Variants in FNDC3A observed in about 807,000 individuals in gnomAD.
FNDC3A encodes the protein fibronectin type-III domain-containing protein 3A.
In FNDC3A, 32 loss-of-function variants were observed where a neutral mutation model predicts 148.9. The observed-to-expected ratio is 0.21, with a 90% CI of 0.16 to 0.29. The LOEUF is 0.29. Ranked by LOEUF, FNDC3A falls within the 10% of genes least tolerant of loss-of-function variation. FNDC3A has a pLI of 1.00. For synonymous variants in FNDC3A, 472 were observed against 473.6 expected, an observed-to-expected ratio of 1.00 and a Z score of 0.04; for missense variants, 1,191 against 1,452.8, an observed-to-expected ratio of 0.82 and a Z score of 2.93.
chr13:49,054,246 T>A (rs1876063000), intron 2 of FNDC3A, among the ~76,000 whole-genome samples: 1 of 152,220 alleles, frequency 6.6e-6, no homozygotes, highest in African/African-American at 2.4e-5. Flanking sequence ...GCCTTTGGTC[T>A]AAGAAAGTTT....
At chr13:49,177,357 G>A (rs1181398476) in intron 13 of FNDC3A, among the ~76,000 whole-genome samples, 1 of 152,148 alleles carries the variant, frequency 6.6e-6, no homozygotes, top group Non-Finnish European at 1.5e-5. Context: ...AAAGTTTCCT[G>A]TGAAACTGTA....
rs1886807420 is a variant in FNDC3A, at chr13:49,209,700, G to A, written c.*2305G>A. On this transcript the variant is annotated 3_prime_UTR_variant, in exon 26 of 26. Coordinates refer to ENST00000492622, the MANE Select transcript of FNDC3A (RefSeq NM_001079673.2). ...TGAGCTTAAAACATTTTTCCCAACA[G>A]TATATAAATCTTCAACATGAGAGGA... The A allele has an allele frequency of 6.6e-6, 1 of 152,274 alleles. No individual in the cohort carries two copies. The highest frequency in any genetic ancestry group is 2.4e-5 in the African/African-American group (1 of 41,394). The allele number at this position is 152,274 out of a possible 1,614,324, so 9.4% of individuals were successfully genotyped here.
At chr13:49,171,780 T>C (rs181104297) in intron 10 of FNDC3A, among the ~76,000 whole-genome samples, 6 of 152,330 alleles carry the variant, frequency 3.9e-5, no homozygotes, top group African/African-American at 1.4e-4. Context: ...TTTTAAAGAC[T>C]TTTTCAAGTT....
In FNDC3A at chr13:49,080,038, C is replaced by T. The variant is rs141627197; in HGVS notation, c.175+4674C>T. ...TCTCAAACTCCTGGGCTCAAGCAAT[C>T]GTCCCATCTCAGCCTCCCAAAGCAC... On this transcript the variant is annotated intron_variant, in intron 3 of 25. Coordinates refer to ENST00000492622, the MANE Select transcript of FNDC3A (RefSeq NM_001079673.2). Among the ~76,000 whole-genome samples the T allele has an allele frequency of 1.7e-4, 26 of 152,256 alleles. No homozygotes were observed. The East Asian group carries it at 4.8e-3, about 28-fold the overall frequency.
At chr13:49,127,058 T>C (rs1204178711) in intron 4 of FNDC3A, among the ~76,000 whole-genome samples, 2 of 152,162 alleles carry the variant, frequency 1.3e-5, no homozygotes, top group Admixed American at 1.3e-4. Flanking sequence ...CTGCTTCTCA[T>C]CCAGCCCACA....
intron 2 of FNDC3A, among the ~76,000 whole-genome samples, chr13:49,008,613 C>T (rs1367224149): frequency 1.3e-5 from 2 of 152,116 alleles, no homozygotes; most frequent in Non-Finnish European, 2.9e-5. Flanking sequence ...GATTATCTGT[C>T]TCCTCATTAA....
chr13:49,098,139 G>T (rs1879648008), intron 3 of FNDC3A, among the ~76,000 whole-genome samples: 1 of 152,070 alleles, frequency 6.6e-6, no homozygotes, highest in Admixed American at 6.6e-5. Flanking sequence ...AGATTCTGTT[G>T]TATGGGCAAT....
chr13:49,033,710 T>C (rs947547236), intron 2 of FNDC3A, among the ~76,000 whole-genome samples: 3 of 151,762 alleles, frequency 2.0e-5, no homozygotes, highest in African/African-American at 7.3e-5. Context: ...GATAAGCAAG[T>C]TTATGATTTA....
chr13:49,027,636 C>T (rs2137656786), intron 2 of FNDC3A, among the ~76,000 whole-genome samples: 1 of 152,208 alleles, frequency 6.6e-6, no homozygotes, highest in African/African-American at 2.4e-5. Flanking sequence ...ATTGGATCAA[C>T]ATTATTATGA....
intron 23 of FNDC3A, among the ~76,000 whole-genome samples, chr13:49,200,627 C>G (rs1390701400): frequency 2.0e-5 from 3 of 151,958 alleles, no homozygotes; most frequent in African/African-American, 7.2e-5. Flanking sequence ...AATAAAGATT[C>G]TATTAGATAT....
intron 2 of FNDC3A, among the ~76,000 whole-genome samples, chr13:49,041,508 G>A (rs1217097214): frequency 1.3e-5 from 2 of 152,122 alleles, no homozygotes; most frequent in African/African-American, 2.4e-5. Flanking sequence ...TTGAACGAAA[G>A]TTTATTGAAA....
chr13:49,004,138 A>G (rs994364916), intron 1 of FNDC3A, among the ~76,000 whole-genome samples: 18 of 152,138 alleles, frequency 1.2e-4, no homozygotes, highest in African/African-American at 4.1e-4. Flanking sequence ...TGTATAACTA[A>G]AACTAAGAGG....
At chr13:49,073,023 T>TA (rs1393701043) in intron 2 of FNDC3A, among the ~76,000 whole-genome samples, 6 of 152,220 alleles carry the variant, frequency 3.9e-5, no homozygotes, top group Admixed American at 1.3e-4. Context: ...ATTTCACACT[T>TA]ACAGCGCATA....
intron 7 of FNDC3A, among the ~76,000 whole-genome samples, chr13:49,142,204 AG>A (rs1041736468): frequency 3.3e-5 from 5 of 152,210 alleles, no homozygotes; most frequent in African/African-American, 1.2e-4. Context: ...AGAATACCCA[AG>A]TTTGAATGTT....
At chr13:49,086,816 A>T (rs1007262309) in intron 3 of FNDC3A, among the ~76,000 whole-genome samples, 1 of 152,150 alleles carries the variant, frequency 6.6e-6, no homozygotes, top group Non-Finnish European at 1.5e-5. Context: ...CCCTTTTAAT[A>T]TGAAAACATC....
intron 13 of FNDC3A, among the ~76,000 whole-genome samples, chr13:49,176,017 T>C (rs1170409129): frequency 2.0e-5 from 3 of 152,360 alleles, no homozygotes; most frequent in Non-Finnish European, 2.9e-5. Context: ...TTGCATATGC[T>C]GAACCAGCCT....
chr13:49,114,419 C>A (rs553425708), intron 3 of FNDC3A, among the ~76,000 whole-genome samples: 47 of 151,528 alleles, frequency 3.1e-4, no homozygotes, highest in African/African-American at 7.0e-4. Flanking sequence ...CTCCCCGCCC[C>A]CCACCACCCC....
At chr13:49,147,238 T>C (rs750549578) in intron 8 of FNDC3A, among the ~76,000 whole-genome samples, 1 of 152,178 alleles carries the variant, frequency 6.6e-6, no homozygotes, top group Non-Finnish European at 1.5e-5. Flanking sequence ...GGCTGCTTAC[T>C]AAGAGGAATG....
At position 49,191,310 on chromosome 13, in the gene FNDC3A, G is replaced by A. The variant is rs756551474; in HGVS notation, c.2152G>A (p.Val718Ile). ...EPREVYQGSE[V>I]ECTVSSLLPG... ...TAGAGAAGTTTACCAAGGTTCTGAA[G>A]TAGAATGTACAGTGAGCAGCCTTCT... The change falls in exon 19 of 26, where the codon GTA (valine) becomes ATA (isoleucine). Residue 718 changes from valine to isoleucine, a missense_variant. Transcript: ENST00000492622. 2 of 1,613,694 alleles carry A rather than the reference G, an allele frequency of 1.2e-6. No homozygotes were observed. Among genetic ancestry groups the A allele is most frequent in the African/African-American group, 1.3e-5 (1 of 74,918 alleles).
Sources: gnomAD v4.1 joint callset for allele counts (sites outside exome capture counted in the v4.1 genomes callset) on GRCh38, gnomAD v4.1.1 for gene constraint, MANE v1.5 for transcripts, NCBI Gene and HGNC (gene_info 2026-07-23, HGNC 2026-07-21) for gene names.